Variants in PIAS1 observed in about 807,000 individuals in gnomAD.
The protein encoded by PIAS1 is protein inhibitor of activated STAT 1.
Under a neutral mutation model 71.3 loss-of-function variants are expected in PIAS1, and 6 were observed. That is an observed-to-expected ratio of 0.08 (90% CI 0.05 to 0.17). PIAS1 has a LOEUF of 0.17. PIAS1 is among the 10% of genes least tolerant of loss of function. PIAS1 has a pLI of 1.00. For synonymous variants in PIAS1, 303 were observed against 292.9 expected, an observed-to-expected ratio of 1.03 and a Z score of -0.35; for missense variants, 555 against 793.6, an observed-to-expected ratio of 0.70 and a Z score of 3.61.
intron 8 of PIAS1, among the ~76,000 whole-genome samples, chr15:68,172,568 C>T (rs192183241): frequency 1.1e-4 from 16 of 152,342 alleles, no homozygotes; most frequent in East Asian, 7.7e-4. Context: ...TCCACATCCT[C>T]TCCAGCACAA....
chr15:68,117,345 C>T (rs1223640918), intron 2 of PIAS1, among the ~76,000 whole-genome samples: 1 of 152,204 alleles, frequency 6.6e-6, no homozygotes, highest in African/African-American at 2.4e-5. Flanking sequence ...CTTGGCCTCC[C>T]AGAGTGCTGG....
At chr15:68,137,993 A>T (rs2092745341) in intron 2 of PIAS1, among the ~76,000 whole-genome samples, 2 of 152,092 alleles carry the variant, frequency 1.3e-5, no homozygotes, top group South Asian at 2.1e-4. Context: ...TAAAAAATAA[A>T]AAAAATTAGT....
At chr15:68,156,949 A>C (rs74425327) in intron 7 of PIAS1, among the ~76,000 whole-genome samples, 1 of 152,180 alleles carries the variant, frequency 6.6e-6, no homozygotes, top group African/African-American at 2.4e-5. Context: ...ACCTGTTTGT[A>C]ATAGTATACG....
chr15:68,176,167 G>A (rs1304884427), intron 10 of PIAS1, among the ~76,000 whole-genome samples: 2 of 152,084 alleles, frequency 1.3e-5, no homozygotes, highest in Non-Finnish European at 2.9e-5. Flanking sequence ...TCGTATTTAA[G>A]TATGTCAGAT....
chr15:68,103,326 A>G (rs1256440341), intron 2 of PIAS1, among the ~76,000 whole-genome samples: 2 of 57,688 alleles, frequency 3.5e-5, no homozygotes, highest in African/African-American at 1.4e-4. Flanking sequence ...GTTTTGTATT[A>G]TTATCCTTTT....
At position 68,054,787 on chromosome 15, in the gene PIAS1, C is replaced by G. The variant is rs1026474009; in HGVS notation, c.24+437C>G. ...CCTCTTCCTCCTTTGCAGTCCCGGG[C>G]TCCTGTCAGGCGCTCTTCTCAGACC... is the stretch of plus-strand genomic sequence containing the variant. On this transcript the variant is annotated intron_variant, in intron 1 of 13. Coordinates refer to ENST00000249636, the MANE Select transcript of PIAS1 (RefSeq NM_016166.3). The surrounding 1 kb of genome is among the most constrained non-coding windows in gnomAD (Gnocchi z 4.6). The G allele has an allele frequency of 6.5e-6, 1 of 154,808 alleles. No individual in the cohort carries two copies. Among genetic ancestry groups the G allele is most frequent in the African/African-American group, 2.4e-5 (1 of 41,534 alleles). 9.6% of individuals were successfully genotyped at this position (154,808 alleles called of 1,614,324 possible).
At chr15:68,057,536 T>TTA (rs1567020345) in intron 1 of PIAS1, 1 of 430,482 alleles carries the variant, frequency 2.3e-6, no homozygotes, top group Non-Finnish European at 4.6e-6. Context: ...AATAATGAAA[T>TTA]TAAATGGGAA....
chr15:68,087,910 A>G (rs1396821800), intron 2 of PIAS1: 5 of 324,132 alleles, frequency 1.5e-5, no homozygotes, highest in South Asian at 9.5e-5. Context: ...GTATCACATT[A>G]TTTTATTTTT....
intron 1 of PIAS1, among the ~76,000 whole-genome samples, chr15:68,057,854 C>A (rs1386140449): frequency 6.6e-6 from 1 of 152,212 alleles, no homozygotes; most frequent in Non-Finnish European, 1.5e-5. Context: ...CTAAGTATTT[C>A]ATATGATTGT....
At chr15:68,101,027 T>C (rs1190418058) in intron 2 of PIAS1, among the ~76,000 whole-genome samples, 1 of 151,878 alleles carries the variant, frequency 6.6e-6, no homozygotes, top group African/African-American at 2.4e-5. Context: ...GCCTCCCAGG[T>C]AGTCAGGACT....
In PIAS1 at chr15:68,086,705, C is replaced by A; in HGVS notation, c.424C>A (p.Pro142Thr). 6.2e-7 allele frequency: 1 copy of A among 1,613,000 alleles called. No individual in the cohort carries two copies. Among genetic ancestry groups the A allele is most frequent in the Non-Finnish European group, 8.5e-7 (1 of 1,179,044 alleles). ...TCCGGATATAAAACTTCAAAAATTA[C>A]CATTTTATGATTTACTGGATGAACT... Reference protein sequence around the residue: ...VHPDIKLQKLPFYDLLDELIK... With the variant: ...VHPDIKLQKLTFYDLLDELIK... The change falls in exon 2 of 14, where the codon CCA (proline) becomes ACA (threonine). Residue 142 changes from proline to threonine, a missense_variant. Coordinates refer to ENST00000249636, the MANE Select transcript of PIAS1 (RefSeq NM_016166.3). This position sits in a 1 kb window ranked among gnomAD's most constrained non-coding sequence, Gnocchi z 7.2.
At chr15:68,110,677 A>G (rs907168696) in intron 2 of PIAS1, among the ~76,000 whole-genome samples, 7 of 151,994 alleles carry the variant, frequency 4.6e-5, no homozygotes, top group African/African-American at 1.7e-4. Flanking sequence ...TGCAAGGATC[A>G]CTTGAGCCTG....
At position 68,077,300 on chromosome 15, in the gene PIAS1, T is replaced by C. The variant is rs1483246502; in HGVS notation, c.25-9006T>C. ...TAAGAGGGATAGTAATACTGCTGTG[T>C]TGGAGACTAGTCACACCATATCTAG... On this transcript the variant is annotated intron_variant, in intron 1 of 13. Coordinates refer to ENST00000249636, the MANE Select transcript of PIAS1 (RefSeq NM_016166.3). Among the ~76,000 whole-genome samples the C allele has an allele frequency of 2.0e-5, 3 of 152,320 alleles. No individual in the cohort carries two copies. The East Asian group carries it at 5.8e-4, about 29-fold the overall frequency.
chr15:68,092,875 G>T (rs546791040), intron 2 of PIAS1, among the ~76,000 whole-genome samples: 1 of 152,292 alleles, frequency 6.6e-6, no homozygotes, highest in African/African-American at 2.4e-5. Context: ...AAATTATCCA[G>T]TCTGAGGTAT....
rs1338269388 is a variant in PIAS1, at chr15:68,134,612, CG to C, written c.470-7328del. ...CCCCCAGACGGGGCGGCTGGCCGGGCGGGGGGCTAACCCCCCCCACCTCCCT... is the reference window on the plus strand; with the variant it reads ...CCCCCAGACGGGGCGGCTGGCCGGGCGGGGGCTAACCCCCCCCACCTCCCT... On this transcript the variant is annotated intron_variant, in intron 2 of 13. Coordinates refer to ENST00000249636, the MANE Select transcript of PIAS1 (RefSeq NM_016166.3). Among the ~76,000 whole-genome samples the C allele has an allele frequency of 1.7e-3, 11 of 6,304 alleles. 2 individuals carry two copies. Among genetic ancestry groups the C allele is most frequent in the Admixed American group, 5.7e-3 (3 of 526 alleles). The allele number at this position is 6,304 out of a possible 152,430, so 4.1% of individuals were successfully genotyped here.
chr15:68,060,690 T>C (rs2091948596), intron 1 of PIAS1, among the ~76,000 whole-genome samples: 1 of 152,084 alleles, frequency 6.6e-6, no homozygotes, highest in Non-Finnish European at 1.5e-5. Context: ...GAAATAAGAC[T>C]TTACCATATT....
At chr15:68,072,556 A>G (rs977584297) in intron 1 of PIAS1, among the ~76,000 whole-genome samples, 2 of 152,138 alleles carry the variant, frequency 1.3e-5, no homozygotes, top group African/African-American at 4.8e-5. Context: ...TAACTAGGAA[A>G]CCTGACTGAG....
At position 68,186,084 on chromosome 15, in the gene PIAS1, A is replaced by G. The variant is rs541539583; in HGVS notation, c.1663-1458A>G. On this transcript the variant is annotated intron_variant, in intron 13 of 13. Coordinates refer to ENST00000249636, the MANE Select transcript of PIAS1 (RefSeq NM_016166.3). This position sits in a 1 kb window ranked among gnomAD's most constrained non-coding sequence, Gnocchi z 4.4. ...CAAACCTATGATAAAAAAGAAACCA[A>G]GCCAAACACCATGGACATATTTCTG... Among the ~76,000 whole-genome samples, 106 of 152,348 alleles carry G rather than the reference A, an allele frequency of 7.0e-4. 1 individual carries two copies. The highest frequency in any genetic ancestry group is 2.4e-3 in the African/African-American group (101 of 41,574).
At chr15:68,180,135 T>A (rs902630484) in intron 11 of PIAS1, among the ~76,000 whole-genome samples, 31 of 152,098 alleles carry the variant, frequency 2.0e-4, no homozygotes, top group Admixed American at 1.2e-3. Flanking sequence ...AGGCTCTTGC[T>A]CTGTCACCCA....
Sources: gnomAD v4.1 joint callset for allele counts (sites outside exome capture counted in the v4.1 genomes callset) on GRCh38, gnomAD v4.1.1 for gene constraint, Gnocchi (gnomAD v3.1) non-coding constraint, MANE v1.5 for transcripts, NCBI Gene and HGNC (gene_info 2026-07-23, HGNC 2026-07-21) for gene names.